DLG2: variants seen among roughly 807,000 people sequenced by gnomAD.
DLG2 encodes the protein disks large homolog 2.
In DLG2, 45 loss-of-function variants were observed where a neutral mutation model predicts 132.5. That is an observed-to-expected ratio of 0.34 (90% CI 0.27 to 0.44). The LOEUF (loss-of-function observed/expected upper bound fraction) is 0.44, where lower values mean the gene tolerates loss of function less well. Among genes scored for constraint, DLG2 ranks in the 20% least tolerant of loss-of-function variants. The pLI, the probability that DLG2 is intolerant of heterozygous loss-of-function variation, is 1.00. For missense variants in DLG2, 1,045 were observed against 1,196.9 expected (o/e 0.87, Z 1.87); for synonymous variants, 424 against 419.6 (o/e 1.01, Z -0.13).
chr11:83,954,834 C>T (rs551429570), intron 14 of DLG2, among the ~76,000 whole-genome samples: 1 of 152,254 alleles, frequency 6.6e-6, no homozygotes, highest in African/African-American at 2.4e-5. Flanking sequence ...TTCATTGCAG[C>T]TGGTATTAGA....
chr11:84,617,605 T>G (rs2099606804), intron 6 of DLG2, among the ~76,000 whole-genome samples: 1 of 152,146 alleles, frequency 6.6e-6, no homozygotes, highest in Non-Finnish European at 1.5e-5. Flanking sequence ...CCACCAAAAA[T>G]GTAAACGCAC....
chr11:84,294,770 C>A (rs919809250), intron 7 of DLG2, among the ~76,000 whole-genome samples: 1 of 151,984 alleles, frequency 6.6e-6, no homozygotes, highest in South Asian at 2.1e-4. Context: ...ACTGCGGTAG[C>A]CACACTGGGC....
At chr11:84,541,035 C>G (rs556286323) in intron 6 of DLG2, among the ~76,000 whole-genome samples, 68 of 152,076 alleles carry the variant, frequency 4.5e-4, no homozygotes, top group Middle Eastern at 3.4e-3. Context: ...ACACCGGGAC[C>G]TGTCATGTGG....
chr11:84,024,941 T>TA (rs2095499596), intron 11 of DLG2, among the ~76,000 whole-genome samples: 1 of 152,120 alleles, frequency 6.6e-6, no homozygotes, highest in African/African-American at 2.4e-5. Flanking sequence ...AGGTGACAGA[T>TA]ATATTAACTA....
Position 83,874,422 on chromosome 11 carries a change from T to C in DLG2, c.1563A>G (p.Glu521=). ...GAGGTTCTGTATTATTATCTTACCC[T>C]TCCAGGGAGACGGCCCGTTGGAGAG... ...SMTLQRAVSL[E]GEPRKVVLHK... The change falls in exon 16 of 28, where the codon GAA becomes GAG. Residue 521 remains glutamate, a splice_region_variant and synonymous_variant. Transcript: ENST00000376104. The C allele has an allele frequency of 1.3e-6, 2 of 1,596,778 alleles. No individual in the cohort carries two copies. The highest frequency in any genetic ancestry group is 1.1e-5 in the South Asian group (1 of 88,428).
rs373589966 is a variant in DLG2 at position 83,466,775 on chromosome 11, G to A, written c.2662C>T (p.Arg888Trp). The change falls in exon 26 of 28, where the codon CGG becomes TGG. Residue 888 changes from arginine (R) to tryptophan (W), a missense_variant. Coordinates refer to ENST00000376104, the MANE Select transcript of DLG2 (RefSeq NM_001142699.3). ...ILDVSGNAIKRLQVAQLYPIA... is the reference protein window; with the variant it reads ...ILDVSGNAIKWLQVAQLYPIA... ...GGATAGAGCTGGGCAACTTGTAACC[G>A]CTTGATAGCATTTCCTGATACATCA... 5.6e-6 allele frequency: 9 copies of A among 1,613,536 alleles called. No homozygotes were observed. The highest frequency in any genetic ancestry group is 6.8e-6 in the Non-Finnish European group (8 of 1,179,636).
chr11:84,205,274 G>A (rs1413394214), intron 8 of DLG2, among the ~76,000 whole-genome samples: 1 of 152,138 alleles, frequency 6.6e-6, no homozygotes, highest in Non-Finnish European at 1.5e-5. Context: ...GGGAAGTATA[G>A]ACAAATCTAC....
chr11:85,185,996 C>T (rs1005873937), intron 4 of DLG2, among the ~76,000 whole-genome samples: 4 of 151,852 alleles, frequency 2.6e-5, no homozygotes, highest in Non-Finnish European at 5.9e-5. Flanking sequence ...AACAAAATAC[C>T]AAAGCTCATT....
At chr11:84,252,140 CTTTTTTTTTTTT>C (rs1176873990) in intron 7 of DLG2, among the ~76,000 whole-genome samples, 2 of 65,338 alleles carry the variant, frequency 3.1e-5, no homozygotes, top group South Asian at 8.1e-4. Flanking sequence ...TTCTTTCTTT[CTTTTTTTTTTTT>C]TTTTTTTTTT....
intron 3 of DLG2, among the ~76,000 whole-genome samples, chr11:85,371,283 G>T (rs920076134): frequency 1.3e-5 from 2 of 152,044 alleles, no homozygotes; most frequent in Non-Finnish European, 2.9e-5. Flanking sequence ...TTTGACTTTC[G>T]CTTGGAATAT....
At chr11:83,933,002 C>T (rs2080662374) in intron 14 of DLG2, among the ~76,000 whole-genome samples, 1 of 152,160 alleles carries the variant, frequency 6.6e-6, no homozygotes, top group African/African-American at 2.4e-5. Flanking sequence ...ACAGTGGGCT[C>T]CTCACAGACT....
chr11:83,465,269 C>T (rs1262534908), intron 26 of DLG2, among the ~76,000 whole-genome samples: 3 of 152,050 alleles, frequency 2.0e-5, no homozygotes, highest in Admixed American at 6.6e-5. Flanking sequence ...GGCTATTTCC[C>T]CAGAGCTCAA....
intron 15 of DLG2, among the ~76,000 whole-genome samples, chr11:83,908,795 G>A (rs954291342): frequency 2.0e-5 from 3 of 152,056 alleles, no homozygotes; most frequent in Non-Finnish European, 4.4e-5. Context: ...GCAGAGTGGT[G>A]CAATCACAGC....
intron 7 of DLG2, among the ~76,000 whole-genome samples, chr11:84,505,711 C>A (rs1032978133): frequency 6.6e-6 from 1 of 151,844 alleles, no homozygotes; most frequent in Non-Finnish European, 1.5e-5. Context: ...TTAATAGTAG[C>A]AATAGTAAAA....
intron 16 of DLG2, among the ~76,000 whole-genome samples, chr11:83,842,856 T>C (rs1463342132): frequency 6.6e-6 from 1 of 151,256 alleles, no homozygotes; most frequent in Non-Finnish European, 1.5e-5. Context: ...CTACTTACAC[T>C]GAAGTCTTTC....
chr11:84,178,105 C>A (rs993102536), intron 8 of DLG2, among the ~76,000 whole-genome samples: 1 of 152,096 alleles, frequency 6.6e-6, no homozygotes, highest in Non-Finnish European at 1.5e-5. Context: ...CCACAAAATT[C>A]TGTGGGTACA....
intron 7 of DLG2, among the ~76,000 whole-genome samples, chr11:84,282,977 A>G (rs1013580387): frequency 3.3e-5 from 5 of 152,192 alleles, no homozygotes; most frequent in Non-Finnish European, 5.9e-5. Context: ...ATGGCCCTAA[A>G]TTTAGCAGAA....
At chr11:84,096,142 T>C (rs1192882357) in intron 10 of DLG2, among the ~76,000 whole-genome samples, 1 of 152,180 alleles carries the variant, frequency 6.6e-6, no homozygotes, top group Admixed American at 6.5e-5. Context: ...GGATTTTTAA[T>C]GTGGTCAAAG....
intron 9 of DLG2, among the ~76,000 whole-genome samples, chr11:84,161,653 CTAAA>C (rs2095548411): frequency 6.6e-6 from 1 of 152,082 alleles, no homozygotes; most frequent in Non-Finnish European, 1.5e-5. Flanking sequence ...ACCAGGGCAA[CTAAA>C]TAGTGTTCTA....
Sources: allele counts gnomAD v4.1 joint callset (sites outside exome capture counted in the v4.1 genomes callset), GRCh38; gene constraint gnomAD v4.1.1; transcripts MANE v1.5; gene names NCBI Gene and HGNC (gene_info 2026-07-23, HGNC 2026-07-21).